Variants in XKR4 observed in about 807,000 individuals in gnomAD.
The protein encoded by XKR4 is XK related 4.
A neutral mutation model predicts 53.9 loss-of-function variants in XKR4; 12 were observed. The ratio of observed to expected loss-of-function variants is 0.22; its 90% CI spans 0.14 to 0.36. The LOEUF (loss-of-function observed/expected upper bound fraction) is 0.36. Ranked by LOEUF, XKR4 falls within the 10% of genes least tolerant of loss-of-function variation. The pLI is 1.00. For missense variants in XKR4, 799 were observed against 859.5 expected, an observed-to-expected ratio of 0.93 and a Z score of 0.88; for synonymous variants, 354 against 362.4, an observed-to-expected ratio of 0.98 and a Z score of 0.26.
intron 1 of XKR4, among the ~76,000 whole-genome samples, chr8:55,106,874 G>C (rs1210147052): frequency 6.6e-6 from 1 of 152,090 alleles, no homozygotes; most frequent in Non-Finnish European, 1.5e-5. Flanking sequence ...TTCTGCTCTT[G>C]TCATGCTTGC....
rs566996522 is a variant in XKR4 at position 55,467,696 on chromosome 8, G to A, written c.1007-55585G>A. 2.0e-5 allele frequency among the ~76,000 whole-genome samples: 3 copies of A among 152,252 alleles called. No individual in the cohort carries two copies. In the East Asian group the frequency reaches 5.8e-4, roughly 29 times the overall value. ...AAGACAGGCAAATGTTGTTGGCTTG[G>A]AACCACTGGGCAAAGATTGTGACAG... is the stretch of plus-strand genomic sequence containing the variant. On this transcript the variant is annotated intron_variant, in intron 2 of 2. Transcript: ENST00000327381.
intron 2 of XKR4, among the ~76,000 whole-genome samples, chr8:55,458,655 A>G (rs1419800451): frequency 5.9e-5 from 9 of 152,294 alleles, no homozygotes; most frequent in Admixed American, 2.6e-4. Flanking sequence ...GGAGTGGGAA[A>G]GTGGTCTTCC....
intron 2 of XKR4, among the ~76,000 whole-genome samples, chr8:55,480,083 G>A (rs1046067910): frequency 3.3e-5 from 5 of 152,124 alleles, no homozygotes; most frequent in African/African-American, 1.2e-4. Flanking sequence ...CCAAAGCCTG[G>A]CAGAGACACC....
At chr8:55,300,570 A>G (rs4458852) in intron 1 of XKR4, among the ~76,000 whole-genome samples, 96,411 of 151,732 alleles carry the variant, frequency 0.64, 32,705 homozygotes, top group African/African-American at 0.88. Context: ...GTCGTGGAAT[A>G]GAAAGTGAGT....
At chr8:55,332,096 T>C (rs1402917131) in intron 1 of XKR4, among the ~76,000 whole-genome samples, 1 of 152,120 alleles carries the variant, frequency 6.6e-6, no homozygotes, top group Non-Finnish European at 1.5e-5. Flanking sequence ...CGTTTCCTTT[T>C]GTGTATAGTC....
At chr8:55,458,945 G>T (rs551787904) in intron 2 of XKR4, among the ~76,000 whole-genome samples, 22 of 152,288 alleles carry the variant, frequency 1.4e-4, no homozygotes, top group East Asian at 1.4e-3. Flanking sequence ...CCAGGCTTGA[G>T]GGGGAGACCT....
At chr8:55,241,692 C>G (rs1192178756) in intron 1 of XKR4, among the ~76,000 whole-genome samples, 1 of 152,176 alleles carries the variant, frequency 6.6e-6, no homozygotes, top group African/African-American at 2.4e-5. Flanking sequence ...TTCATTATTT[C>G]TCATATATGG....
At position 55,290,555 on chromosome 8, in the gene XKR4, A is replaced by G. The variant is rs572121038; in HGVS notation, c.807-67123A>G. 1.1e-4 allele frequency among the ~76,000 whole-genome samples: 16 copies of G among 152,076 alleles called. No homozygotes were observed. In the South Asian group the frequency reaches 1.9e-3, roughly 18 times the overall value. On this transcript the variant is annotated intron_variant, in intron 1 of 2. Coordinates refer to ENST00000327381, the MANE Select transcript of XKR4 (RefSeq NM_052898.2). The stretch of plus-strand genomic sequence containing the variant: ...GTATTAAGCCCAACATGCATTAGCT[A>G]TTTTTCCCAGTGCTCTCCCTCCCCC...
intron 1 of XKR4, among the ~76,000 whole-genome samples, chr8:55,332,619 A>G (rs1454106895): frequency 6.6e-6 from 1 of 152,024 alleles, no homozygotes; most frequent in Non-Finnish European, 1.5e-5. Context: ...CTTTAAATAT[A>G]TCATCCCACT....
intron 2 of XKR4, among the ~76,000 whole-genome samples, chr8:55,493,607 G>C (rs1806301500): frequency 6.6e-6 from 1 of 152,220 alleles, no homozygotes; most frequent in Non-Finnish European, 1.5e-5. Context: ...CTACATTAAA[G>C]CTATGGCTTT....
At chr8:55,209,179 C>T (rs1374850174) in intron 1 of XKR4, among the ~76,000 whole-genome samples, 1 of 148,810 alleles carries the variant, frequency 6.7e-6, no homozygotes, top group Non-Finnish European at 1.5e-5. Flanking sequence ...GAACGTGGCC[C>T]CAAAGAGGGA....
chr8:55,451,716 G>C, intron 2 of XKR4: 1 of 1,293,240 alleles, frequency 7.7e-7, no homozygotes, highest in Non-Finnish European at 1.1e-6. Flanking sequence ...GCATGCGGTT[G>C]ACCAGAGAAA....
chr8:55,446,894 A>T (rs1376888891), intron 2 of XKR4, among the ~76,000 whole-genome samples: 1 of 152,242 alleles, frequency 6.6e-6, no homozygotes, highest in Non-Finnish European at 1.5e-5. Flanking sequence ...CTTACAGAAA[A>T]GCAATAGTGC....
At chr8:55,369,932 C>T (rs771361917) in intron 2 of XKR4, among the ~76,000 whole-genome samples, 5 of 152,096 alleles carry the variant, frequency 3.3e-5, no homozygotes, top group Admixed American at 6.6e-5. Flanking sequence ...CAGTGGCACA[C>T]GTCTGCAGTC....
intron 2 of XKR4, chr8:55,450,468 G>T: frequency 1.7e-6 from 1 of 600,424 alleles, no homozygotes. Context: ...TGGCTCCTGC[G>T]CTGCCCCTTC....
At chr8:55,142,170 C>T (rs775152723) in intron 1 of XKR4, 7 of 456,006 alleles carry the variant, frequency 1.5e-5, no homozygotes, top group African/African-American at 2.0e-5. Flanking sequence ...CTGCTGCTCT[C>T]CTGAGCGCTT....
At chr8:55,290,103 T>A (rs1818997248) in intron 1 of XKR4, among the ~76,000 whole-genome samples, 1 of 151,970 alleles carries the variant, frequency 6.6e-6, no homozygotes, top group Non-Finnish European at 1.5e-5. Flanking sequence ...ATTGAATTTT[T>A]GTGTGTGATG....
chr8:55,485,808 T>C (rs1266678390), intron 2 of XKR4, among the ~76,000 whole-genome samples: 1 of 152,208 alleles, frequency 6.6e-6, no homozygotes. Context: ...GGTTGGCTTC[T>C]GTTGAGGGCC....
chr8:55,190,588 T>C (rs1817432820), intron 1 of XKR4, among the ~76,000 whole-genome samples: 1 of 152,200 alleles, frequency 6.6e-6, no homozygotes, highest in Non-Finnish European at 1.5e-5. Flanking sequence ...ACTCAGTTGA[T>C]TCTATGATCA....
Sources: gnomAD v4.1 joint callset for allele counts (sites outside exome capture counted in the v4.1 genomes callset) on GRCh38, gnomAD v4.1.1 for gene constraint, MANE v1.5 for transcripts, NCBI Gene and HGNC (gene_info 2026-07-23, HGNC 2026-07-21) for gene names.